Variants in CLEC12B observed in about 807,000 individuals in gnomAD.
CLEC12B encodes the protein macrophage antigen h.
CLEC12B carries 25 observed loss-of-function variants against 36.1 expected under a neutral mutation model. The ratio of observed to expected loss-of-function variants is 0.69; its 90% CI spans 0.50 to 0.97. The LOEUF (loss-of-function observed/expected upper bound fraction) is 0.97. Among genes scored for constraint, CLEC12B ranks in the 50% least tolerant of loss-of-function variants. The pLI is 0.00. For missense variants in CLEC12B, 325 were observed against 318.4 expected, an observed-to-expected ratio of 1.02 and a Z score of -0.16; for synonymous variants, 110 against 108.5, an observed-to-expected ratio of 1.01 and a Z score of -0.09.
rs1315676422 is a variant in CLEC12B at position 10,018,426 on chromosome 12, T to C, written c.776T>C (p.Ile259Thr). The change falls in exon 6 of 6, where the codon ATT becomes ACT. Residue 259 changes from isoleucine to threonine, a missense_variant. Coordinates refer to ENST00000338896, the MANE Select transcript of CLEC12B (RefSeq NM_001129998.3). The stretch of plus-strand genomic sequence containing the variant: ...TATATTTCTCGCTGTAGTGCTGAAA[T>C]TTTTTGGATTTGCGAGAAGACAGCT... ...NIYISRCSAEIFWICEKTAAP... is the reference protein window; with the variant it reads ...NIYISRCSAETFWICEKTAAP... The C allele has an allele frequency of 1.3e-6, 2 of 1,550,512 alleles. No individual in the cohort carries two copies. The highest frequency in any genetic ancestry group is 1.7e-6 in the Non-Finnish European group (2 of 1,146,334).
In CLEC12B at chr12:10,018,377, G is replaced by C. The variant is rs754521378; in HGVS notation, c.727G>C (p.Ala243Pro). 2.1e-4 allele frequency: 328 copies of C among 1,537,454 alleles called. No individual in the cohort carries two copies. The highest frequency in any genetic ancestry group is 2.8e-4 in the Non-Finnish European group (320 of 1,134,726). Residue 243 changes from alanine to proline, a missense_variant, in exon 6 of 6, where the codon GCT becomes CCT. Transcript: ENST00000338896. Reference protein sequence around the residue: ...LDQINGSKGCAYFQKGNIYIS... With the variant: ...LDQINGSKGCPYFQKGNIYIS... ...CCAGATCAATGGATCCAAAGGATGT[G>C]CTTATTTTCAAAAAGGAAATATTTA... is the stretch of plus-strand genomic sequence containing the variant.
rs774651746 is a variant in CLEC12B, at chr12:10,014,728, C to A, written c.396C>A (p.Ile132=). The A allele has an allele frequency of 9.3e-6, 15 of 1,612,024 alleles. No individual in the cohort carries two copies. Among genetic ancestry groups the A allele is most frequent in the Non-Finnish European group, 1.1e-5 (13 of 1,178,286 alleles). ...CCATCAAACTGTGCCAAGAGCTAAT[C>A]ATTCATACTTCAGGTAATCAGACTT... ...QMAIKLCQEL[I]IHTSDHRCNP... is the part of the protein sequence containing the mutation. Residue 132 remains isoleucine, a synonymous_variant, in exon 3 of 6, where the codon ATC becomes ATA. Coordinates refer to ENST00000338896, the MANE Select transcript of CLEC12B (RefSeq NM_001129998.3).
intron 5 of CLEC12B, chr12:10,016,881 TA>T (rs1865499110): frequency 1.7e-6 from 1 of 596,636 alleles, no homozygotes; most frequent in Admixed American, 6.4e-5. Context: ...TTCTTCTATC[TA>T]ACAGAATATT....
Position 10,014,583 on chromosome 12 carries a change from C to G in CLEC12B, c.251C>G (p.Thr84Ser). Residue 84 changes from threonine to serine, a missense_variant, in exon 3 of 6, where the codon ACC becomes AGC. Physicochemically the swap from Thr to Ser is moderately conservative, Grantham distance 58. Coordinates refer to ENST00000338896, the MANE Select transcript of CLEC12B (RefSeq NM_001129998.3). ...DSEKLSQLQK[T>S]IQQQQDNLSQ... ...GAGAAATTGAGTCAACTTCAGAAAA[C>G]CATCCAACAGCAGCAGGATAACTTA... The G allele has an allele frequency of 6.2e-7, 1 of 1,613,770 alleles. No homozygotes were observed.
In CLEC12B at chr12:10,014,783, T is replaced by C. The variant is rs78070252; in HGVS notation, c.409+42T>C. The C allele has an allele frequency of 1.5e-3, 2,052 of 1,386,040 alleles. 23 individuals carry two copies. In the African/African-American group the frequency reaches 0.026, roughly 18 times the overall value. 85.9% of individuals were successfully genotyped at this position (1,386,040 alleles called of 1,614,324 possible). A position where few individuals can be genotyped will look rare whatever the true frequency, so the allele number is the denominator to read the frequency against. On this transcript the variant is annotated intron_variant, in intron 3 of 5. Coordinates refer to ENST00000338896, the MANE Select transcript of CLEC12B (RefSeq NM_001129998.3). ...CTGCTGACCAGTCAGATGGCATATG[T>C]TATCCTGGTCTAAGTTGATCACATG...
At chr12:10,013,044 G>T (rs1375650217) in intron 2 of CLEC12B, 161 bp downstream of exon 2, 1 of 635,474 alleles carries the variant, frequency 1.6e-6, no homozygotes, top group East Asian at 2.9e-5. Context: ...CCAAAAAACC[G>T]GCAAAAGACA....
At chr12:10,016,560 T>C (rs1190381577) in intron 5 of CLEC12B, 2 of 289,486 alleles carry the variant, frequency 6.9e-6, no homozygotes, top group Non-Finnish European at 1.0e-5. Context: ...GAAACAACTG[T>C]ATTAATATTT....
At chr12:10,012,747 C>A in intron 1 of CLEC12B, 38 bp from the exon 2 acceptor site, 3 of 1,468,718 alleles carry the variant, frequency 2.0e-6, no homozygotes, top group Non-Finnish European at 2.9e-6. Flanking sequence ...AAGCACAAAG[C>A]AGTTCTGTGT....
chr12:10,016,497 A>C, intron 5 of CLEC12B: 1 of 236,696 alleles, frequency 4.2e-6, no homozygotes, highest in Non-Finnish European at 6.9e-6. Context: ...TCTTTCACAG[A>C]CTATAAAACA....
At chr12:10,008,949 C>T (rs1865263136), upstream of CLEC12B, among the ~76,000 whole-genome samples, 1 of 152,176 alleles carries the variant, frequency 6.6e-6, no homozygotes, top group Non-Finnish European at 1.5e-5. Flanking sequence ...GGGAACTTTC[C>T]TGTCTTACAA....
chr12:10,007,920 A>C (rs141930906), upstream of CLEC12B, among the ~76,000 whole-genome samples: 317 of 152,278 alleles, frequency 2.1e-3, 2 homozygotes, highest in African/African-American at 7.1e-3. Flanking sequence ...GATTGACAAC[A>C]ATGAGAAGTT....
intron 5 of CLEC12B, chr12:10,016,192 A>T (rs1404240471): frequency 6.4e-6 from 1 of 157,070 alleles, no homozygotes; most frequent in Non-Finnish European, 1.4e-5. Context: ...ACACATATCA[A>T]CACATTTATT....
At chr12:10,014,464 T>G in intron 2 of CLEC12B, 59 bp from the exon 3 acceptor site, 2 of 1,188,658 alleles carry the variant, frequency 1.7e-6, no homozygotes, top group Non-Finnish European at 2.5e-6. Flanking sequence ...GTCACGAGAA[T>G]TATCTACAGT....
intron 1 of CLEC12B, among the ~76,000 whole-genome samples, chr12:10,011,826 A>C (rs1349018550): frequency 6.6e-6 from 1 of 152,186 alleles, no homozygotes; most frequent in Non-Finnish European, 1.5e-5. Context: ...TGTCTAATAA[A>C]TGTGGTTACA....
chr12:10,009,929 A>C (rs577461441), upstream of CLEC12B, among the ~76,000 whole-genome samples: 1 of 152,154 alleles, frequency 6.6e-6, no homozygotes, highest in African/African-American at 2.4e-5. Context: ...TGTATTAACT[A>C]CATATTGCTG....
chr12:10,012,636 A>G (rs1304007572), intron 1 of CLEC12B, 149 bp from the exon 2 acceptor site: 4 of 609,354 alleles, frequency 6.6e-6, no homozygotes, highest in African/African-American at 1.9e-5. Flanking sequence ...ATTGCACTTC[A>G]TATTAGGTAT....
At chr12:10,011,825 AATGTGGTTACAC>A (rs1865334647) in intron 1 of CLEC12B, among the ~76,000 whole-genome samples, 1 of 152,106 alleles carries the variant, frequency 6.6e-6, no homozygotes, top group Non-Finnish European at 1.5e-5. Context: ...ATGTCTAATA[AATGTGGTTACAC>A]ATTTTTGCCT....
At chr12:10,015,052 G>A (rs564004333) in intron 3 of CLEC12B, among the ~76,000 whole-genome samples, 200 bp from the exon 4 acceptor site, 8 of 152,268 alleles carry the variant, frequency 5.3e-5, no homozygotes, top group African/African-American at 1.9e-4. Flanking sequence ...GAGGTCAGAA[G>A]ACTAAGCCAT....
At chr12:10,015,091 A>C in intron 3 of CLEC12B, 161 bp from the exon 4 acceptor site, 1 of 665,172 alleles carries the variant, frequency 1.5e-6, no homozygotes. Flanking sequence ...GCCCCAACCC[A>C]TAACCAGGGG....
Sources: gnomAD v4.1 joint callset for allele counts (sites outside exome capture counted in the v4.1 genomes callset) on GRCh38, gnomAD v4.1.1 for gene constraint, MANE v1.5 for transcripts, NCBI Gene and HGNC (gene_info 2026-07-23, HGNC 2026-07-21) for gene names.